Variants in FOXP4 observed in about 807,000 individuals in gnomAD.
FOXP4 encodes the protein forkhead box protein P4.
Under a neutral mutation model 82.6 loss-of-function variants are expected in FOXP4, and 25 were observed. The observed-to-expected ratio is 0.30, with a 90% CI of 0.22 to 0.42. The LOEUF is 0.42. Among genes scored for constraint, FOXP4 ranks in the 10% least tolerant of loss-of-function variants. The probability of loss-of-function intolerance (pLI) is 1.00; values close to 1 mark genes in which losing one functional copy is unlikely to be tolerated. For missense variants in FOXP4, 785 were observed against 900.9 expected (o/e 0.87, Z 1.65); for synonymous variants, 415 against 388.2 (o/e 1.07, Z -0.81).
At chr6:41,574,969 T>G (rs985863385) in intron 2 of FOXP4, among the ~76,000 whole-genome samples, 1 of 152,094 alleles carries the variant, frequency 6.6e-6, no homozygotes, top group Non-Finnish European at 1.5e-5. Flanking sequence ...TTTTGTGTTT[T>G]GTTTTGTTTT....
chr6:41,597,269 A>G, intron 15 of FOXP4, 27 bp downstream of exon 15: 1 of 1,609,962 alleles, frequency 6.2e-7, no homozygotes, highest in East Asian at 2.2e-5. Context: ...CCACCCACTC[A>G]CCTCTACCTC....
In FOXP4 at chr6:41,587,047, C is replaced by G. The variant is rs373853877; in HGVS notation, c.549C>G (p.Leu183=). The change falls in exon 6 of 17, where the codon CTC becomes CTG. Residue 183 remains leucine, a synonymous_variant. Transcript: ENST00000307972. The part of the protein sequence containing the change: ...GNKQLAFQQQ[L]LQMQQLQQQH... The stretch of plus-strand genomic sequence containing the variant: ...AGCAGCTGGCCTTCCAGCAGCAGCT[C>G]CTGCAAATGCAACAGTTGCAGCAGC... 6.2e-7 allele frequency: 1 copy of G among 1,604,852 alleles called. No individual in the cohort carries two copies. Among genetic ancestry groups the G allele is most frequent in the Non-Finnish European group, 8.5e-7 (1 of 1,173,470 alleles).
At chr6:41,595,868 T>G (rs952390338) in intron 14 of FOXP4, among the ~76,000 whole-genome samples, 1 of 152,120 alleles carries the variant, frequency 6.6e-6, no homozygotes, top group Non-Finnish European at 1.5e-5. Flanking sequence ...CCTCCCAAAG[T>G]GCTAGGATTA....
intron 2 of FOXP4, among the ~76,000 whole-genome samples, chr6:41,574,945 C>T (rs955613174): frequency 6.6e-6 from 1 of 152,060 alleles, no homozygotes; most frequent in Non-Finnish European, 1.5e-5. Flanking sequence ...TCTTATCATT[C>T]GTGTTTTGTT....
chr6:41,579,149 C>T (rs940035627), intron 3 of FOXP4, among the ~76,000 whole-genome samples: 5 of 152,000 alleles, frequency 3.3e-5, no homozygotes, highest in African/African-American at 1.2e-4. Context: ...TTCAAGGTGC[C>T]CAACAGATGT....
Position 41,578,078 on chromosome 6 carries a change from G to T in FOXP4, c.297G>T (p.Val99=), listed in dbSNP as rs1374972000. The T allele has an allele frequency of 1.2e-6, 2 of 1,613,098 alleles. No homozygotes were observed. Among genetic ancestry groups the T allele is most frequent in the South Asian group, 1.1e-5 (1 of 91,048 alleles). Residue 99 remains valine, a synonymous_variant, in exon 3 of 17, where the codon GTG becomes GTT. Coordinates refer to ENST00000307972, the MANE Select transcript of FOXP4 (RefSeq NM_001012426.2). The stretch of plus-strand genomic sequence containing the variant: ...ACAGCAAACAGTCTGCCTCTGCTGT[G>T]CAGGTGAGGAAGAGAGCACCCCGCT... The part of the protein sequence containing the change: ...NNDSKQSASA[V]QVPVSVAMMS...
chr6:41,575,319 G>C (rs1446685631), intron 2 of FOXP4, among the ~76,000 whole-genome samples: 3 of 152,082 alleles, frequency 2.0e-5, no homozygotes, highest in Non-Finnish European at 4.4e-5. Flanking sequence ...TGTGAGCCCT[G>C]GGGGGGCAGA....
chr6:41,597,046 C>A (rs1766882131), intron 14 of FOXP4, 130 bp from the exon 15 acceptor site: 3 of 934,286 alleles, frequency 3.2e-6, no homozygotes, highest in African/African-American at 1.6e-5. Context: ...AGCGGCTGAT[C>A]CGCCCTGGCC....
chr6:41,599,044 A>C lies in FOXP4; in HGVS notation c.*108A>C. The C allele has an allele frequency of 7.0e-7, 1 of 1,423,850 alleles. No individual in the cohort carries two copies. Among genetic ancestry groups the C allele is most frequent in the South Asian group, 1.5e-5 (1 of 66,184 alleles). 88.2% of individuals were successfully genotyped at this position (1,423,850 alleles called of 1,614,324 possible). A position where few individuals can be genotyped will look rare whatever the true frequency, so the allele number is the denominator to read the frequency against. On this transcript the variant is annotated 3_prime_UTR_variant, in exon 17 of 17. Transcript: ENST00000307972. ...TCCCGAGCCTCAAGGCAAGTCCAGGACTCAGACCGGGGAGGCCCGGGCCAG... is the reference window on the plus strand; with the variant it reads ...TCCCGAGCCTCAAGGCAAGTCCAGGCCTCAGACCGGGGAGGCCCGGGCCAG...
chr6:41,570,072 AC>A, intron 2 of FOXP4: 1 of 160,080 alleles, frequency 6.2e-6, no homozygotes, highest in Non-Finnish European at 1.2e-5. Context: ...GCCCCCCACC[AC>A]CCCCTGACAC....
In FOXP4 at chr6:41,587,711, A is replaced by C. The variant is rs1766234759; in HGVS notation, c.873-82A>C. 36 of 994,616 alleles carry C rather than the reference A, an allele frequency of 3.6e-5. No individual in the cohort carries two copies. In the South Asian group the frequency reaches 5.0e-4, roughly 14 times the overall value. 61.6% of individuals were successfully genotyped at this position (994,616 alleles called of 1,614,324 possible). A position where few individuals can be genotyped will look rare whatever the true frequency, so the allele number is the denominator to read the frequency against. On this transcript the variant is annotated intron_variant, in intron 7 of 16. Transcript: ENST00000307972. Reference sequence around the variant, plus strand: ...GTATTGGGGCAGAAATGTCACCAGCAGGGGAGCTGGTGCTCAGCTGACTAC... The same window carrying C: ...GTATTGGGGCAGAAATGTCACCAGCCGGGGAGCTGGTGCTCAGCTGACTAC...
Position 41,587,474 on chromosome 6 carries a change from C to G in FOXP4, c.834C>G (p.Pro278=). The G allele has an allele frequency of 6.5e-7, 1 of 1,541,838 alleles. No homozygotes were observed. The highest frequency in any genetic ancestry group is 8.7e-7 in the Non-Finnish European group (1 of 1,144,436). ...VSPPLSHHTL[P]NGQPTVLTSR... is the part of the protein sequence containing the mutation. ...CCCCCCTCTCCCACCATACCCTGCCCAACGGACAGCCTACTGTGCTCACAT... is the reference window on the plus strand; with the variant it reads ...CCCCCCTCTCCCACCATACCCTGCCGAACGGACAGCCTACTGTGCTCACAT... Residue 278 remains proline (P), a synonymous_variant, in exon 7 of 17, where the codon CCC becomes CCG. Transcript: ENST00000307972.
chr6:41,558,143 G>C lies in FOXP4; in HGVS notation c.-16-7602G>C, dbSNP rs1285971696. On this transcript the variant is annotated intron_variant, in intron 1 of 16. Coordinates refer to ENST00000307972, the MANE Select transcript of FOXP4 (RefSeq NM_001012426.2). This position sits in a 1 kb window ranked among gnomAD's most constrained non-coding sequence, Gnocchi z 4.0. ...GCCAGCCTCTGACCCACACAATGAGGAGTGCCCAAGGAGGGCAGGGGCTTG... is the reference window on the plus strand; with the variant it reads ...GCCAGCCTCTGACCCACACAATGAGCAGTGCCCAAGGAGGGCAGGGGCTTG... 6.6e-6 allele frequency among the ~76,000 whole-genome samples: 1 copy of C among 152,174 alleles called. No homozygotes were observed. Among genetic ancestry groups the C allele is most frequent in the African/African-American group, 2.4e-5 (1 of 41,438 alleles).
rs543992522 is a variant in FOXP4, at chr6:41,565,654, G to C, written c.-16-91G>C. ...GAGAAGTAGATGCCCAGCTACTCCT[G>C]TGGCGATGGTTATGTTTTTGGGGGT... is the stretch of plus-strand genomic sequence containing the variant. On this transcript the variant is annotated intron_variant, in intron 1 of 16. Transcript: ENST00000307972. 2.3e-5 allele frequency: 27 copies of C among 1,198,918 alleles called. No homozygotes were observed. In the African/African-American group the frequency reaches 4.1e-4, roughly 18 times the overall value. The allele number at this position is 1,198,918 out of a possible 1,614,324, so 74.3% of individuals were successfully genotyped here.
chr6:41,586,934 G>T, intron 5 of FOXP4, 75 bp from the exon 6 acceptor site: 1 of 1,481,730 alleles, frequency 6.7e-7, no homozygotes, highest in South Asian at 1.4e-5. Flanking sequence ...GGGGGTGGCC[G>T]CGGGGTGGGG....
chr6:41,587,907 AC>A lies in FOXP4; in HGVS notation c.977+15del. The A allele has an allele frequency of 2.7e-6, 4 of 1,484,666 alleles. No homozygotes were observed. Among genetic ancestry groups the A allele is most frequent in the Non-Finnish European group, 2.8e-6 (3 of 1,087,394 alleles). 92.0% of individuals were successfully genotyped at this position (1,484,666 alleles called of 1,614,324 possible). ...TGGGCCAGTTTATCAAGTAGGTGTC[AC>A]CCCCAGCCCCTCCCCCAGCAGCCTT... On this transcript the variant is annotated intron_variant, in intron 8 of 16. Coordinates refer to ENST00000307972, the MANE Select transcript of FOXP4 (RefSeq NM_001012426.2).
intron 2 of FOXP4, chr6:41,570,234 T>C: frequency 2.2e-6 from 1 of 456,606 alleles, no homozygotes; most frequent in Non-Finnish European, 4.6e-6. Flanking sequence ...TGCATTCTCC[T>C]TTTTCTTCTG....
At position 41,589,978 on chromosome 6, in the gene FOXP4, G is replaced by A. The variant is rs1489125694; in HGVS notation, c.1165G>A (p.Gly389Ser). 12 of 1,613,422 alleles carry A rather than the reference G, an allele frequency of 7.4e-6. No homozygotes were observed. The highest frequency in any genetic ancestry group is 3.3e-5 in the Admixed American group (2 of 59,976). Residue 389 changes from glycine (G) to serine (S), a missense_variant, in exon 11 of 17, where the codon GGC becomes AGC. Physicochemically the swap from Gly to Ser is moderately conservative, Grantham distance 56. Around this residue, in one of 3 missense-constraint regions of FOXP4, gnomAD observed 570 missense variants for 634.0 expected, o/e 0.90. Coordinates refer to ENST00000307972, the MANE Select transcript of FOXP4 (RefSeq NM_001012426.2). ...TTGCTCACAGCTGAACCCGGTCCCC[G>A]GCTCCTCCTCATTCTCCAAGGTGAC... ...PFSQPLNPVP[G>S]SSSFSKVTVS...
chr6:41,578,199 C>A (rs967731893), intron 3 of FOXP4, 118 bp downstream of exon 3: 4 of 798,038 alleles, frequency 5.0e-6, no homozygotes, highest in Non-Finnish European at 3.9e-6. Flanking sequence ...AAAAAGTGGG[C>A]AACTTTTCAA....
Sources: gnomAD v4.1 joint callset for allele counts (sites outside exome capture counted in the v4.1 genomes callset) on GRCh38, gnomAD v4.1.1 for gene constraint, gnomAD v4.1.1 regional missense constraint, Gnocchi (gnomAD v3.1) non-coding constraint, MANE v1.5 for transcripts, NCBI Gene and HGNC (gene_info 2026-07-23, HGNC 2026-07-21) for gene names.